CAST: variants seen among roughly 807,000 people sequenced by gnomAD.
The protein encoded by CAST is MIR583 host.
CAST carries 76 observed loss-of-function variants against 119.6 expected under a neutral mutation model. That is an observed-to-expected ratio of 0.64 (90% confidence interval 0.53 to 0.77). The LOEUF is 0.77. CAST is among the 30% of genes least tolerant of loss of function. The pLI, the probability that CAST is intolerant of heterozygous loss-of-function variation, is 0.00. For missense variants in CAST, 953 were observed against 946.5 expected, an observed-to-expected ratio of 1.01 and a Z score of -0.09; for synonymous variants, 319 against 331.6, an observed-to-expected ratio of 0.96 and a Z score of 0.41.
chr5:96,232,915 G>A, the CAST span, among the ~76,000 whole-genome samples: 1 of 152,002 alleles, frequency 6.6e-6, no homozygotes, highest in Admixed American at 6.6e-5. Flanking sequence ...AAAGTGTATA[G>A]CAATTCTACT....
chr5:96,711,951 A>G (rs181536986), intron 3 of CAST, among the ~76,000 whole-genome samples: 86 of 152,330 alleles, frequency 5.6e-4, no homozygotes, highest in Non-Finnish European at 1.0e-3. Context: ...TAAATTAGCC[A>G]TTTTGGAATA....
the CAST span, among the ~76,000 whole-genome samples, chr5:96,086,437 C>T: frequency 1.3e-5 from 2 of 152,102 alleles, no homozygotes; most frequent in Non-Finnish European, 1.5e-5. Flanking sequence ...ATTTCTAAAG[C>T]GTTGGGAAAT....
At chr5:96,654,861 G>T (rs1401351262) in intron 1 of CAST, among the ~76,000 whole-genome samples, 1 of 152,162 alleles carries the variant, frequency 6.6e-6, no homozygotes, top group Non-Finnish European at 1.5e-5. Flanking sequence ...TAGCTCAAAA[G>T]TTAAGACTTT....
chr5:96,141,784 G>C, the CAST span, among the ~76,000 whole-genome samples: 1 of 152,212 alleles, frequency 6.6e-6, no homozygotes. Flanking sequence ...GATGAGCTCT[G>C]TTCTCTTACT....
the CAST span, among the ~76,000 whole-genome samples, chr5:96,374,182 G>T: frequency 6.6e-6 from 1 of 152,138 alleles, no homozygotes; most frequent in African/African-American, 2.4e-5. Flanking sequence ...CCAAAGCAAT[G>T]TCTGCCTGAA....
intron 1 of CAST, among the ~76,000 whole-genome samples, chr5:96,622,781 C>T (rs564518062): frequency 6.8e-6 from 1 of 146,488 alleles, no homozygotes; most frequent in Non-Finnish European, 1.5e-5. Flanking sequence ...TCTTAAGATT[C>T]TATTTACAGT....
At chr5:96,398,620 A>T in the CAST span, among the ~76,000 whole-genome samples, 6 of 152,236 alleles carry the variant, frequency 3.9e-5, no homozygotes, top group Non-Finnish European at 7.4e-5. Context: ...AAACAGTTTG[A>T]AAATGCATGA....
the CAST span, among the ~76,000 whole-genome samples, chr5:96,078,456 C>T: frequency 1.7e-4 from 26 of 151,554 alleles, no homozygotes; most frequent in Non-Finnish European, 2.1e-4. Context: ...TGCAATGGTG[C>T]AATCTCAGCT....
rs77472449 is a variant in CAST, at chr5:96,532,388, G to C, written c.60+2508G>C. ...AAGGTCTGAAATTCTTTCACAATCA[G>C]GGTGTAAAGGAAACAACTTACAAAG... On this transcript the variant is annotated intron_variant, in intron 1 of 11. Coordinates refer to the CAST transcript ENST00000505143. Among the ~76,000 whole-genome samples the C allele has an allele frequency of 4.8e-4, 73 of 152,198 alleles. 1 individual carries two copies. The highest frequency in any genetic ancestry group is 1.0e-3 in the Non-Finnish European group (68 of 68,018).
the CAST span, among the ~76,000 whole-genome samples, chr5:96,362,000 C>G: frequency 6.6e-6 from 1 of 152,060 alleles, no homozygotes; most frequent in East Asian, 1.9e-4. Context: ...CACCCCACGA[C>G]AGGCCCCGGT....
At chr5:96,504,724 T>C in the CAST span, among the ~76,000 whole-genome samples, 2 of 152,284 alleles carry the variant, frequency 1.3e-5, no homozygotes, top group African/African-American at 4.8e-5. Flanking sequence ...ACAGTCCACT[T>C]TCCCCAAAGT....
At chr5:96,021,599 C>A in the CAST span, among the ~76,000 whole-genome samples, 2 of 152,142 alleles carry the variant, frequency 1.3e-5, no homozygotes, top group Non-Finnish European at 2.9e-5. Context: ...GCGCCCGCCA[C>A]CACGCCCAGC....
At chr5:96,392,273 CAG>C in the CAST span, 1 of 151,344 alleles carries the variant, frequency 6.6e-6, no homozygotes, top group Non-Finnish European at 1.5e-5. Flanking sequence ...GAAGGAGAAA[CAG>C]AGGAAAGACC....
At chr5:96,534,656 G>C (rs1458301013) in intron 1 of CAST, among the ~76,000 whole-genome samples, 1 of 135,222 alleles carries the variant, frequency 7.4e-6, no homozygotes, top group Non-Finnish European at 1.6e-5. Context: ...GCGGCAAAGT[G>C]AGACTTCATC....
chr5:95,984,672 G>A, the CAST span, among the ~76,000 whole-genome samples: 4 of 152,168 alleles, frequency 2.6e-5, no homozygotes, highest in Admixed American at 6.5e-5. Flanking sequence ...AGATACAGAA[G>A]TGAGCTTCTC....
intron 1 of CAST, 139 bp from the exon 2 acceptor site, chr5:96,675,400 G>GGC (rs1292301161): frequency 3.2e-6 from 2 of 617,524 alleles, no homozygotes; most frequent in Non-Finnish European, 5.7e-6. Context: ...CTATGTTGGT[G>GGC]TGAATTACCA....
At chr5:96,376,207 G>T in the CAST span, among the ~76,000 whole-genome samples, 6,468 of 151,530 alleles carry the variant, frequency 0.043, 395 homozygotes, top group African/African-American at 0.14. Flanking sequence ...AATTAAAATG[G>T]AGTGGAAAAA....
intron 1 of CAST, among the ~76,000 whole-genome samples, chr5:96,605,749 T>C (rs181817384): frequency 1.2e-4 from 18 of 152,330 alleles, no homozygotes; most frequent in Admixed American, 6.5e-4. Context: ...TAAGGTAAAG[T>C]GGGTATTTTG....
the CAST span, among the ~76,000 whole-genome samples, chr5:96,367,653 G>A: frequency 2.6e-5 from 4 of 152,100 alleles, no homozygotes; most frequent in Non-Finnish European, 4.4e-5. Context: ...CTGATGTGTC[G>A]TTTGCTAAGA....
Sources: allele counts gnomAD v4.1 joint callset (sites outside exome capture counted in the v4.1 genomes callset), GRCh38; gene constraint gnomAD v4.1.1; transcripts MANE v1.5; gene names NCBI Gene and HGNC (gene_info 2026-07-23, HGNC 2026-07-21).